ASIP: variants seen among roughly 807,000 people sequenced by gnomAD.
ASIP encodes agouti signaling protein.
Under a neutral mutation model 10.3 loss-of-function variants are expected in ASIP, and 11 were observed. The ratio of observed to expected loss-of-function variants is 1.07; its 90% confidence interval spans 0.68 to 1.78. The LOEUF is 1.78. Ranked by LOEUF, ASIP falls within the 40% of genes most tolerant of loss-of-function variation. The pLI is 0.00. For synonymous variants in ASIP, 70 were observed against 70.8 expected, an observed-to-expected ratio of 0.99 and a Z score of 0.06; for missense variants, 180 against 169.2, an observed-to-expected ratio of 1.06 and a Z score of -0.35.
intron 3 of ASIP, among the ~76,000 whole-genome samples, chr20:34,265,176 G>A (rs757648890): frequency 1.7e-4 from 26 of 152,048 alleles, no homozygotes; most frequent in Non-Finnish European, 3.7e-4. Context: ...TATCAGTAAG[G>A]CTTCCTTCTG....
intron 1 of ASIP, among the ~76,000 whole-genome samples, chr20:34,244,069 C>G (rs1372582051): frequency 6.6e-6 from 1 of 151,988 alleles, no homozygotes; most frequent in African/African-American, 2.4e-5. Context: ...CATCTCAAAA[C>G]AAACAAACAA....
intron 1 of ASIP, among the ~76,000 whole-genome samples, chr20:34,233,519 G>C (rs951598092): frequency 5.9e-5 from 9 of 152,164 alleles, no homozygotes; most frequent in African/African-American, 2.2e-4. Context: ...CTGTAGGATG[G>C]TTGCACAACT....
chr20:34,241,414 T>C, upstream of ASIP: 1 of 980,996 alleles, frequency 1.0e-6, no homozygotes, highest in South Asian at 4.7e-5. Context: ...AAGTTATAGA[T>C]GAGCAAGCAG....
chr20:34,246,433 A>G, intron 1 of ASIP: 1 of 1,377,708 alleles, frequency 7.3e-7, no homozygotes, highest in Non-Finnish European at 1.0e-6. Context: ...TTGGTAATGA[A>G]CAGACTCCAC....
chr20:34,199,578 CTTTTTACAT>C (rs1337943279), intron 1 of ASIP, among the ~76,000 whole-genome samples: 1 of 152,016 alleles, frequency 6.6e-6, no homozygotes, highest in Non-Finnish European at 1.5e-5. Flanking sequence ...CGTTTAGCAC[CTTTTTACAT>C]ATTTATTGGC....
intron 1 of ASIP, chr20:34,215,993 CA>C: frequency 2.8e-6 from 2 of 721,878 alleles, no homozygotes; most frequent in Admixed American, 3.6e-5. Flanking sequence ...GCCCGCCTCC[CA>C]GCCTGAACTC....
chr20:34,224,490 A>C (rs2035079102), intron 1 of ASIP, among the ~76,000 whole-genome samples: 1 of 151,894 alleles, frequency 6.6e-6, no homozygotes. Context: ...TAGACGTCAA[A>C]AGGGTTTATA....
At chr20:34,213,464 C>T in intron 1 of ASIP, 1 of 1,218,060 alleles carries the variant, frequency 8.2e-7, no homozygotes, top group South Asian at 1.5e-5. Flanking sequence ...GAGACTGAGA[C>T]AGTTTTGAAG....
At chr20:34,192,693 C>T (rs995280711), upstream of ASIP, among the ~76,000 whole-genome samples, 1 of 152,108 alleles carries the variant, frequency 6.6e-6, no homozygotes, top group Non-Finnish European at 1.5e-5. Flanking sequence ...GGTTACCCTC[C>T]CTGCACTAAA....
At chr20:34,225,025 G>A (rs2035083203) in intron 1 of ASIP, among the ~76,000 whole-genome samples, 1 of 134,878 alleles carries the variant, frequency 7.4e-6, no homozygotes, top group East Asian at 2.1e-4. Context: ...CTGAAATATA[G>A]CACCTTTGTT....
chr20:34,252,350 G>T (rs560641404), intron 1 of ASIP, among the ~76,000 whole-genome samples: 1 of 152,112 alleles, frequency 6.6e-6, no homozygotes, highest in Non-Finnish European at 1.5e-5. Context: ...GTGGGGAGAA[G>T]GTCAGCAGGG....
chr20:34,216,359 C>T (rs1280567547), intron 1 of ASIP, among the ~76,000 whole-genome samples: 2 of 152,212 alleles, frequency 1.3e-5, no homozygotes, highest in African/African-American at 2.4e-5. Flanking sequence ...CGGGCGGCAG[C>T]CCGCGGGCTG....
upstream of ASIP, among the ~76,000 whole-genome samples, chr20:34,191,730 CT>C (rs58407816): frequency 0.12 from 15,403 of 124,710 alleles, 484 homozygotes; most frequent in East Asian, 0.19. Flanking sequence ...CTCTCTCTCT[CT>C]TTTTTTTTTT....
At position 34,252,963 on chromosome 20, in the gene ASIP, T is replaced by C. The variant is rs549261273; in HGVS notation, c.-10-7402T>C. The stretch of plus-strand genomic sequence containing the variant: ...AAACTTTGATTCAATACAGCACATG[T>C]TTCTGTGAGCACAGGGTTGGGACTA... On this transcript the variant is annotated intron_variant, in intron 1 of 3. Transcript: ENST00000374954. Among the ~76,000 whole-genome samples the C allele has an allele frequency of 4.3e-4, 65 of 152,340 alleles. No homozygotes were observed. The South Asian group carries it at 0.013, about 30-fold the overall frequency.
intron 1 of ASIP, among the ~76,000 whole-genome samples, chr20:34,209,098 G>A (rs1443509334): frequency 1.3e-5 from 2 of 152,182 alleles, no homozygotes; most frequent in Non-Finnish European, 1.5e-5. Flanking sequence ...GATGCCCTTT[G>A]TTTCTTTCTT....
At chr20:34,259,031 C>T (rs1033849732) in intron 1 of ASIP, among the ~76,000 whole-genome samples, 13 of 148,602 alleles carry the variant, frequency 8.7e-5, no homozygotes, top group African/African-American at 3.0e-4. Context: ...AGTGAGCCTT[C>T]ATCCCTACAA....
chr20:34,207,509 G>C (rs2034945047), intron 1 of ASIP, among the ~76,000 whole-genome samples: 1 of 152,006 alleles, frequency 6.6e-6, no homozygotes, highest in African/African-American at 2.4e-5. Context: ...TGTTTCCTTT[G>C]CTGTGCAGGT....
intron 1 of ASIP, among the ~76,000 whole-genome samples, chr20:34,213,300 T>G (rs1003478079): frequency 6.6e-5 from 10 of 152,236 alleles, no homozygotes; most frequent in African/African-American, 2.4e-4. Context: ...TGTGAACCAA[T>G]AACTTTCTTT....
chr20:34,265,063 G>A (rs1003944216), intron 3 of ASIP, among the ~76,000 whole-genome samples: 6 of 151,876 alleles, frequency 4.0e-5, no homozygotes, highest in African/African-American at 1.2e-4. Flanking sequence ...CTAAACTGCT[G>A]GGATTACCTG....
Sources: gnomAD v4.1 joint callset for allele counts (sites outside exome capture counted in the v4.1 genomes callset) on GRCh38, gnomAD v4.1.1 for gene constraint, MANE v1.5 for transcripts, NCBI Gene and HGNC (gene_info 2026-07-23, HGNC 2026-07-21) for gene names.